SGK1: variants seen among roughly 807,000 people sequenced by gnomAD.
The protein encoded by SGK1 is serum/glucocorticoid regulated kinase 1.
Under a neutral mutation model 64.2 loss-of-function variants are expected in SGK1, and 26 were observed. The ratio of observed to expected loss-of-function variants is 0.40; its 90% CI spans 0.30 to 0.56. The LOEUF is 0.56. SGK1 is among the 20% of genes least tolerant of loss of function. The pLI is 0.38. For synonymous variants in SGK1, 265 were observed against 239.7 expected (o/e 1.11, Z -0.98); for missense variants, 519 against 645.6 (o/e 0.80, Z 2.12).
At position 134,317,547 on chromosome 6, in the gene SGK1, A is replaced by G. The variant is rs1777705370; in HGVS notation, c.-87T>C. ...TCTGTTTCCCCGGTTTACCTCCTGC[A>G]GACAGTTAATGAAGACTGAGCGGGA... On this transcript the variant is annotated 5_prime_UTR_variant, in exon 1 of 14. Transcript: ENST00000367858. The G allele has an allele frequency of 9.5e-6, 8 of 838,040 alleles. No homozygotes were observed. In the South Asian group the frequency reaches 1.1e-4, roughly 11 times the overall value. 51.9% of individuals were successfully genotyped at this position (838,040 alleles called of 1,614,324 possible).
At chr6:134,232,411 A>AAGAAAAGAAAGAAAGAGAGAGAGAG (rs771204086) in intron 2 of SGK1, among the ~76,000 whole-genome samples, 1,580 of 29,676 alleles carry the variant, frequency 0.053, 198 homozygotes, top group South Asian at 0.097. Context: ...AAAAGAAAGA[A>AAGAAAAGAAAGAAAGAGAGAGAGAG]AGAGAAAGAA....
chr6:134,174,622 G>A, intron 3 of SGK1, 36 bp from the exon 4 acceptor site: 1 of 1,608,250 alleles, frequency 6.2e-7, no homozygotes, highest in East Asian at 2.2e-5. Flanking sequence ...GAAACGTTTA[G>A]ACGGCTTCAT....
chr6:134,306,038 T>G (rs1777530052), intron 1 of SGK1, among the ~76,000 whole-genome samples: 1 of 152,172 alleles, frequency 6.6e-6, no homozygotes. Flanking sequence ...CTCATAGAGC[T>G]CATAGTCCAG....
intron 3 of SGK1, among the ~76,000 whole-genome samples, chr6:134,205,604 G>A (rs1017174005): frequency 2.6e-5 from 4 of 152,166 alleles, no homozygotes; most frequent in African/African-American, 9.7e-5. Flanking sequence ...ATAGAACTGG[G>A]CAGTCCACTC....
rs71003675 is a variant in SGK1, at chr6:134,204,472, G to GA, written c.361+2883dup. ...GCGACAGAGCAAGACTCCATCTCAGGAAAAAAAAAAAAAAAAAAGAGTAAG... is the reference window on the plus strand; with the variant it reads ...GCGACAGAGCAAGACTCCATCTCAGGAAAAAAAAAAAAAAAAAAAGAGTAAG... On this transcript the variant is annotated intron_variant, in intron 3 of 13. Transcript: ENST00000367858. Among the ~76,000 whole-genome samples, 578 of 114,762 alleles carry GA rather than the reference G, an allele frequency of 5.0e-3. 8 individuals carry two copies. The highest frequency in any genetic ancestry group is 0.018 in the African/African-American group (516 of 28,706). The allele number at this position is 114,762 out of a possible 152,430, so 75.3% of individuals were successfully genotyped here.
chr6:134,175,902 G>A, intron 3 of SGK1: 1 of 1,223,892 alleles, frequency 8.2e-7, no homozygotes, highest in African/African-American at 1.6e-5. Context: ...GAAAGAAAGA[G>A]GGAAAAGGGG....
At position 134,169,981 on chromosome 6, in the gene SGK1, G is replaced by A. The variant is rs1026694612; in HGVS notation, c.*287C>T. The A allele has an allele frequency of 1.3e-4, 28 of 222,712 alleles. No homozygotes were observed. The highest frequency in any genetic ancestry group is 4.9e-4 in the African/African-American group (22 of 44,798). The allele number at this position is 222,712 out of a possible 1,614,324, so 13.8% of individuals were successfully genotyped here. ...GGAGACCTTTTTTAGAACAGCGTCC[G>A]CTTTCTAACGAAACTCCTGCCTCCG... On this transcript the variant is annotated 3_prime_UTR_variant, in exon 14 of 14. Transcript: ENST00000367858.
chr6:134,238,836 T>C lies in SGK1; in HGVS notation c.285+23097A>G, dbSNP rs73776537. The stretch of plus-strand genomic sequence containing the variant: ...AATCGGATTCAGAACAAGTTCAAAG[T>C]ATTAAGAAAGGAGATGCCATGAACT... On this transcript the variant is annotated intron_variant, in intron 2 of 13. Transcript: ENST00000367858. 5.8e-3 allele frequency among the ~76,000 whole-genome samples: 888 copies of C among 152,284 alleles called. 12 individuals are homozygous for C. Among genetic ancestry groups the C allele is most frequent in the African/African-American group, 0.02 (837 of 41,558 alleles).
chr6:134,278,666 C>T (rs967011845), intron 1 of SGK1, among the ~76,000 whole-genome samples: 1 of 151,762 alleles, frequency 6.6e-6, no homozygotes, highest in Admixed American at 6.6e-5. Flanking sequence ...TTTAATTGTT[C>T]CCTGAAAACA....
chr6:134,173,071 C>T lies in SGK1; in HGVS notation c.786G>A (p.Gln262=). 1 of 1,614,168 alleles carries T rather than the reference C, an allele frequency of 6.2e-7. No individual in the cohort carries two copies. The highest frequency in any genetic ancestry group is 8.5e-7 in the Non-Finnish European group (1 of 1,180,002). Residue 262 remains glutamine (Q), a synonymous_variant, in exon 8 of 14, where the codon CAG becomes CAA. Transcript: ENST00000367858. The stretch of plus-strand genomic sequence containing the variant: ...GGACAAAGTACAATTTGTCAGCAGT[C>T]TGGAAAGAGAAGTGAAGGCCCACCA... ...PFLVGLHFSF[Q]TADKLYFVLD...
At chr6:134,240,395 A>C (rs1274803111) in intron 2 of SGK1, among the ~76,000 whole-genome samples, 1 of 151,850 alleles carries the variant, frequency 6.6e-6, no homozygotes, top group African/African-American at 2.4e-5. Flanking sequence ...ATGTCAGTAG[A>C]TTTATGGAGG....
At chr6:134,257,873 A>G (rs1193823746) in intron 2 of SGK1, among the ~76,000 whole-genome samples, 1 of 152,220 alleles carries the variant, frequency 6.6e-6, no homozygotes, top group Non-Finnish European at 1.5e-5. Flanking sequence ...TATTACCTCA[A>G]TTTTTATAGG....
intron 2 of SGK1, chr6:134,249,624 T>C (rs183289075): frequency 6.6e-6 from 1 of 152,382 alleles, no homozygotes; most frequent in East Asian, 1.9e-4. Flanking sequence ...TGCTTGGATT[T>C]TCCCCCTGTC....
At chr6:134,241,048 C>CTTTTTTTTTTTTTTT (rs10686058) in intron 2 of SGK1, among the ~76,000 whole-genome samples, 3 of 74,076 alleles carry the variant, frequency 4.0e-5, no homozygotes, top group Admixed American at 1.3e-4. Context: ...TTCTTTTTTT[C>CTTTTTTTTTTTTTTT]TTTTTTTTTT....
chr6:134,190,422 A>T (rs1371147802), intron 3 of SGK1, among the ~76,000 whole-genome samples: 1 of 151,862 alleles, frequency 6.6e-6, no homozygotes, highest in Non-Finnish European at 1.5e-5. Flanking sequence ...AGTAGCTGGG[A>T]TTACAGGTGC....
intron 1 of SGK1, among the ~76,000 whole-genome samples, chr6:134,309,876 T>TA (rs1310386555): frequency 2.6e-5 from 4 of 151,998 alleles, no homozygotes; most frequent in African/African-American, 4.8e-5. Context: ...GACTTATTTC[T>TA]AAAAAAAATT....
intron 3 of SGK1, chr6:134,175,414 G>C: frequency 7.7e-7 from 1 of 1,298,982 alleles, no homozygotes; most frequent in Non-Finnish European, 9.8e-7. Context: ...GCGCGACCTC[G>C]CCCGCCAGGT....
chr6:134,219,140 G>A (rs959088017), intron 2 of SGK1, among the ~76,000 whole-genome samples: 41 of 152,080 alleles, frequency 2.7e-4, no homozygotes, highest in African/African-American at 8.9e-4. Context: ...GTGCCACCAT[G>A]CCCAGCTAAT....
At chr6:134,233,454 A>G in intron 2 of SGK1, among the ~76,000 whole-genome samples, 1 of 152,218 alleles carries the variant, frequency 6.6e-6, no homozygotes, top group East Asian at 1.9e-4. Context: ...TCTATTGACT[A>G]GTTTCCCCAA....
Sources: allele counts gnomAD v4.1 joint callset (sites outside exome capture counted in the v4.1 genomes callset), GRCh38; gene constraint gnomAD v4.1.1; transcripts MANE v1.5; gene names NCBI Gene and HGNC (gene_info 2026-07-23, HGNC 2026-07-21).